SLCO1B3: variants seen among roughly 807,000 people sequenced by gnomAD.
SLCO1B3 encodes the protein solute carrier organic anion transporter family member 1B3.
Under a neutral mutation model 71.8 loss-of-function variants are expected in SLCO1B3, and 72 were observed. The ratio of observed to expected loss-of-function variants is 1.00; its 90% CI spans 0.83 to 1.22. The LOEUF is 1.22. Ranked by LOEUF, SLCO1B3 falls within the 50% of genes most tolerant of loss-of-function variation. SLCO1B3 has a pLI of 0.00. For missense variants in SLCO1B3, 911 were observed against 819.7 expected, an observed-to-expected ratio of 1.11 and a Z score of -1.36; for synonymous variants, 298 against 278.4, an observed-to-expected ratio of 1.07 and a Z score of -0.70.
intron 7 of SLCO1B3, 30 bp from the exon 8 acceptor site, chr12:20,862,726 T>A: frequency 6.5e-7 from 1 of 1,539,058 alleles, no homozygotes; most frequent in Non-Finnish European, 9.0e-7. Context: ...ATTTGTGACA[T>A]CTGATTAAAT....
At chr12:20,868,861 G>T (rs1865422850) in intron 8 of SLCO1B3, among the ~76,000 whole-genome samples, 1 of 152,144 alleles carries the variant, frequency 6.6e-6, no homozygotes, top group South Asian at 2.1e-4. Flanking sequence ...GCCCTTCCCT[G>T]CCTGGCAGCC....
intron 2 of SLCO1B3, among the ~76,000 whole-genome samples, 183 bp downstream of exon 2, chr12:20,813,821 C>T (rs1477410141): frequency 6.6e-6 from 1 of 152,164 alleles, no homozygotes; most frequent in African/African-American, 2.4e-5. Flanking sequence ...AACACTGTAT[C>T]TCTTCTAGGA....
chr12:20,855,810 A>C lies in SLCO1B3; in HGVS notation c.226+641A>C, dbSNP rs1865122649. Among the ~76,000 whole-genome samples, 3 of 151,386 alleles carry C rather than the reference A, an allele frequency of 2.0e-5. No individual in the cohort carries two copies. The South Asian group carries it at 6.2e-4, about 31-fold the overall frequency. ...TCAATATAATAATTTTTCAAAGAAAAATTAAAATTTTTCTTATTTTACAAA... is the reference window on the plus strand; with the variant it reads ...TCAATATAATAATTTTTCAAAGAAACATTAAAATTTTTCTTATTTTACAAA... On this transcript the variant is annotated intron_variant, in intron 4 of 15. Coordinates refer to ENST00000381545, the MANE Select transcript of SLCO1B3 (RefSeq NM_019844.4).
At chr12:20,837,059 A>G (rs984247636) in intron 3 of SLCO1B3, among the ~76,000 whole-genome samples, 6 of 152,110 alleles carry the variant, frequency 3.9e-5, no homozygotes, top group Non-Finnish European at 5.9e-5. Context: ...TATTTTGGGA[A>G]ATTGGTCGAT....
chr12:20,814,050 TC>T (rs1864150279), intron 2 of SLCO1B3, among the ~76,000 whole-genome samples: 1 of 152,192 alleles, frequency 6.6e-6, no homozygotes. Context: ...ATAGCAAGTA[TC>T]TACATAGCAT....
chr12:20,869,532 G>A (rs187241163), intron 8 of SLCO1B3, among the ~76,000 whole-genome samples: 186 of 152,226 alleles, frequency 1.2e-3, no homozygotes, highest in Middle Eastern at 3.4e-3. Flanking sequence ...GGAACAGCTC[G>A]TGTCCTTGGT....
At chr12:20,895,233 A>G (rs1365253383) in intron 13 of SLCO1B3, among the ~76,000 whole-genome samples, 2 of 152,148 alleles carry the variant, frequency 1.3e-5, no homozygotes, top group Non-Finnish European at 2.9e-5. Flanking sequence ...AATACCAATC[A>G]TTCTTTCCCA....
rs545600735 is a variant in SLCO1B3, at chr12:20,874,546, C to T, written c.728-689C>T. ...TCCTGTTACTTAAACTGTATATTTT[C>T]TACCTACTAAAATAACTCATTGACA... On this transcript the variant is annotated intron_variant, in intron 8 of 15. Coordinates refer to ENST00000381545, the MANE Select transcript of SLCO1B3 (RefSeq NM_019844.4). 2.6e-5 allele frequency among the ~76,000 whole-genome samples: 4 copies of T among 152,254 alleles called. No individual in the cohort carries two copies. In the East Asian group the frequency reaches 7.7e-4, roughly 29 times the overall value.
At chr12:20,912,154 T>A (rs993497464) in intron 15 of SLCO1B3, among the ~76,000 whole-genome samples, 1 of 152,020 alleles carries the variant, frequency 6.6e-6, no homozygotes, top group African/African-American at 2.4e-5. Context: ...CCCATATGTT[T>A]CTTAGAAGTG....
intron 13 of SLCO1B3, among the ~76,000 whole-genome samples, chr12:20,895,853 T>TTG (rs1390079635): frequency 1.3e-5 from 2 of 152,224 alleles, no homozygotes; most frequent in African/African-American, 4.8e-5. Context: ...GCAAACTTCT[T>TTG]CCTGGGCATC....
chr12:20,829,130 AAAAC>A (rs938772742), intron 3 of SLCO1B3, among the ~76,000 whole-genome samples: 3 of 152,238 alleles, frequency 2.0e-5, no homozygotes, highest in Non-Finnish European at 2.9e-5. Flanking sequence ...TGAAACAACA[AAAAC>A]AAACAAACAA....
intron 3 of SLCO1B3, among the ~76,000 whole-genome samples, chr12:20,846,079 T>G (rs919571408): frequency 6.6e-6 from 1 of 152,190 alleles, no homozygotes; most frequent in African/African-American, 2.4e-5. Flanking sequence ...GCAACAACAG[T>G]TACACATATT....
intron 15 of SLCO1B3, among the ~76,000 whole-genome samples, chr12:20,911,157 A>G (rs1259115976): frequency 2.6e-5 from 4 of 152,132 alleles, no homozygotes; most frequent in Admixed American, 6.6e-5. Flanking sequence ...TTGTTCACAA[A>G]TGGATGTTTG....
chr12:20,916,192 G>C lies in SLCO1B3; in HGVS notation c.2054G>C (p.Gly685Ala). The change falls in exon 16 of 16, where the codon GGA becomes GCA. Residue 685 changes from glycine to alanine, a missense_variant. Gly to Ala is a moderately conservative substitution (Grantham distance 60). Coordinates refer to ENST00000381545, the MANE Select transcript of SLCO1B3 (RefSeq NM_019844.4). ...NNGEHFVPSA[G>A]TDSKTCNLDM... ...GGTGAACATTTTGTACCTTCTGCTG[G>C]AACAGATAGTAAAACATGTAATTTG... is the stretch of plus-strand genomic sequence containing the variant. 6.2e-7 allele frequency: 1 copy of C among 1,611,874 alleles called. No individual in the cohort carries two copies. The highest frequency in any genetic ancestry group is 2.2e-5 in the East Asian group (1 of 44,734).
chr12:20,855,658 CTTT>C (rs35056493), intron 4 of SLCO1B3, among the ~76,000 whole-genome samples: 341 of 143,578 alleles, frequency 2.4e-3, no homozygotes, highest in African/African-American at 8.1e-3. Flanking sequence ...GGTTTAAAGT[CTTT>C]TTTTTTTTTT....
In SLCO1B3 at chr12:20,835,719, T is replaced by G. The variant is rs530236173; in HGVS notation, c.85-19309T>G. Among the ~76,000 whole-genome samples, 10 of 152,302 alleles carry G rather than the reference T, an allele frequency of 6.6e-5. No homozygotes were observed. The South Asian group carries it at 1.2e-3, about 19-fold the overall frequency. ...GGAAGTACCAAACTTTCCCACATCT[T>G]CCTGTCTTCTGAGCCCTCCAATTCT... On this transcript the variant is annotated intron_variant, in intron 3 of 15. Transcript: ENST00000381545.
intron 3 of SLCO1B3, among the ~76,000 whole-genome samples, chr12:20,852,473 T>A (rs1357192473): frequency 6.6e-6 from 1 of 152,210 alleles, no homozygotes; most frequent in Non-Finnish European, 1.5e-5. Context: ...AGCAAGACTC[T>A]GTAAAAATTC....
At chr12:20,879,667 T>G (rs2121304384) in intron 11 of SLCO1B3, 36 bp downstream of exon 11, 1 of 1,323,998 alleles carries the variant, frequency 7.6e-7, no homozygotes, top group Non-Finnish European at 1.0e-6. Flanking sequence ...GTGTAATATG[T>G]TAACCATCAA....
At chr12:20,839,887 T>G (rs1044472319) in intron 3 of SLCO1B3, among the ~76,000 whole-genome samples, 5 of 152,334 alleles carry the variant, frequency 3.3e-5, no homozygotes, top group African/African-American at 1.2e-4. Flanking sequence ...CTGCAGATTT[T>G]AATTGGTATA....
Sources: gnomAD v4.1 joint callset for allele counts (sites outside exome capture counted in the v4.1 genomes callset) on GRCh38, gnomAD v4.1.1 for gene constraint, MANE v1.5 for transcripts, NCBI Gene and HGNC (gene_info 2026-07-23, HGNC 2026-07-21) for gene names.